CNGB3: variants seen among roughly 807,000 people sequenced by gnomAD.
CNGB3 encodes cyclic nucleotide-gated channel beta-3.
Under a neutral mutation model 92.8 loss-of-function variants are expected in CNGB3, and 86 were observed. That is an observed-to-expected ratio of 0.93 (90% CI 0.78 to 1.11). The LOEUF is 1.11. Ranked by LOEUF, CNGB3 falls within the 50% of genes least tolerant of loss-of-function variation. CNGB3 has a pLI of 0.00. For missense variants in CNGB3, 1,026 were observed against 956.8 expected (o/e 1.07, Z -0.95); for synonymous variants, 333 against 332.7 (o/e 1.00, Z -0.01).
intron 15 of CNGB3, among the ~76,000 whole-genome samples, chr8:86,591,878 C>T (rs1350778234): frequency 6.6e-6 from 1 of 152,242 alleles, no homozygotes; most frequent in Non-Finnish European, 1.5e-5. Flanking sequence ...CCAGTTCGAG[C>T]TTCTGGGCTG....
chr8:86,699,277 T>A (rs1824508479), intron 3 of CNGB3, among the ~76,000 whole-genome samples: 1 of 152,064 alleles, frequency 6.6e-6, no homozygotes, highest in Non-Finnish European at 1.5e-5. Flanking sequence ...CATTATAATC[T>A]TATATAATAA....
At chr8:86,629,899 T>TA (rs769204199) in intron 11 of CNGB3, among the ~76,000 whole-genome samples, 10 of 152,158 alleles carry the variant, frequency 6.6e-5, no homozygotes, top group Non-Finnish European at 1.5e-4. Context: ...TGGCTGTAAA[T>TA]ATGCTTTGAC....
Position 86,633,275 on chromosome 8 carries a change from T to C in CNGB3, c.1179-382A>G, listed in dbSNP as rs113640295. ...ATGGCTGGAGATATCTGGAAAGATT[T>C]GATTGAAACCAAATGTCTGAAACCT... On this transcript the variant is annotated intron_variant, in intron 10 of 17. Coordinates refer to ENST00000320005, the MANE Select transcript of CNGB3 (RefSeq NM_019098.5). 7.6e-4 allele frequency among the ~76,000 whole-genome samples: 116 copies of C among 152,312 alleles called. 1 individual carries two copies. In the South Asian group the frequency reaches 0.012, roughly 16 times the overall value.
Position 86,604,186 on chromosome 8 carries a change from A to G in CNGB3, c.1688T>C (p.Ile563Thr), listed in dbSNP as rs794727151. The G allele has an allele frequency of 6.2e-7, 1 of 1,612,702 alleles. No individual in the cohort carries two copies. The highest frequency in any genetic ancestry group is 1.7e-5 in the Admixed American group (1 of 59,988). ...AACTTGGACTTCTCCATGCTTGATG[A>G]TATACATTTCCTTGCCAATTTCTCC... is the stretch of plus-strand genomic sequence containing the variant. ...KKGEIGKEMY[I>T]IKHGEVQVLG... Residue 563 changes from isoleucine (I) to threonine (T), a missense_variant, in exon 15 of 18, where the codon ATC (isoleucine) becomes ACC (threonine). Ile to Thr is a moderately conservative substitution (Grantham distance 89). Coordinates refer to ENST00000320005, the MANE Select transcript of CNGB3 (RefSeq NM_019098.5).
chr8:86,644,331 G>A (rs1394536980), intron 9 of CNGB3, among the ~76,000 whole-genome samples: 1 of 151,328 alleles, frequency 6.6e-6, no homozygotes, highest in African/African-American at 2.4e-5. Flanking sequence ...CATGAGAAAG[G>A]TTTAAAGTTA....
At chr8:86,633,944 T>C (rs1190147945) in intron 10 of CNGB3, among the ~76,000 whole-genome samples, 2 of 152,186 alleles carry the variant, frequency 1.3e-5, no homozygotes, top group African/African-American at 4.8e-5. Context: ...TTGATTGTAA[T>C]GGGCAACTGA....
chr8:86,731,031 A>G (rs1200547279), intron 2 of CNGB3, among the ~76,000 whole-genome samples: 2 of 152,240 alleles, frequency 1.3e-5, no homozygotes, highest in African/African-American at 4.8e-5. Flanking sequence ...AGGCTCTTTT[A>G]GTAAAGTATT....
chr8:86,659,216 G>T, intron 6 of CNGB3: 1 of 729,150 alleles, frequency 1.4e-6, no homozygotes, highest in East Asian at 2.5e-5. Flanking sequence ...GCTACCGCAT[G>T]GCCCTCCCTC....
chr8:86,584,425 A>C (rs1157020508), intron 15 of CNGB3, among the ~76,000 whole-genome samples: 1 of 152,202 alleles, frequency 6.6e-6, no homozygotes, highest in Non-Finnish European at 1.5e-5. Context: ...TTTAAATGTC[A>C]GGTTATTTTG....
At chr8:86,676,012 C>G (rs949672341) in intron 3 of CNGB3, among the ~76,000 whole-genome samples, 1 of 152,004 alleles carries the variant, frequency 6.6e-6, no homozygotes, top group Non-Finnish European at 1.5e-5. Flanking sequence ...CGGGGAAGTC[C>G]ACTGTGAAAA....
intron 3 of CNGB3, among the ~76,000 whole-genome samples, chr8:86,714,122 G>A (rs1198225696): frequency 6.6e-6 from 1 of 152,126 alleles, no homozygotes; most frequent in Non-Finnish European, 1.5e-5. Flanking sequence ...CATCATCATA[G>A]TATCACACTG....
rs1382798482 is a variant in CNGB3, at chr8:86,588,616, C to T, written c.1782-9364G>A. Among the ~76,000 whole-genome samples the T allele has an allele frequency of 4.4e-3, 668 of 150,772 alleles. 10 individuals are homozygous for T. Among genetic ancestry groups the T allele is most frequent in the African/African-American group, 0.016 (637 of 40,454 alleles). On this transcript the variant is annotated intron_variant, in intron 15 of 17. Transcript: ENST00000320005. ...ATAATCATGCGGTTTTTGTCTTTGG[C>T]TCTGTTTATATGCTGGATTACATTT...
intron 15 of CNGB3, among the ~76,000 whole-genome samples, chr8:86,584,732 A>G (rs917386412): frequency 9.2e-5 from 14 of 152,190 alleles, no homozygotes; most frequent in Non-Finnish European, 1.6e-4. Context: ...TTCCCTAGGT[A>G]AAAATAGAGT....
chr8:86,625,449 A>T (rs1027726461), intron 13 of CNGB3, among the ~76,000 whole-genome samples: 3 of 152,232 alleles, frequency 2.0e-5, no homozygotes, highest in Non-Finnish European at 4.4e-5. Context: ...GCACAAAAAG[A>T]GTAGTAATAC....
chr8:86,727,733 A>G (rs1717971452), intron 2 of CNGB3, among the ~76,000 whole-genome samples: 2 of 152,152 alleles, frequency 1.3e-5, no homozygotes, highest in African/African-American at 4.8e-5. Flanking sequence ...CATTTTCCAC[A>G]GCTTCTAACA....
intron 11 of CNGB3, among the ~76,000 whole-genome samples, chr8:86,630,841 C>T (rs953416563): frequency 2.0e-5 from 3 of 152,102 alleles, no homozygotes; most frequent in Non-Finnish European, 4.4e-5. Context: ...GCCACTACAC[C>T]CTAGCCTGGG....
rs1280726459 is a variant in CNGB3, at chr8:86,574,524, T to C, written c.*1280A>G. ...CTCTATCAAATGATGCAGTTTATTA[T>C]AGTGATTGATTTGTACATGGTTTGC... On this transcript the variant is annotated 3_prime_UTR_variant, in exon 18 of 18. Transcript: ENST00000320005. 1 of 152,244 alleles carries C rather than the reference T, an allele frequency of 6.6e-6. No homozygotes were observed. The highest frequency in any genetic ancestry group is 1.5e-5 in the Non-Finnish European group (1 of 68,042). The allele number at this position is 152,244 out of a possible 1,614,324, so 9.4% of individuals were successfully genotyped here.
intron 3 of CNGB3, among the ~76,000 whole-genome samples, chr8:86,721,471 C>T (rs531437836): frequency 1.3e-5 from 2 of 152,144 alleles, no homozygotes; most frequent in East Asian, 3.9e-4. Flanking sequence ...GTGTTCTCTG[C>T]TCAGGATGAT....
intron 12 of CNGB3, among the ~76,000 whole-genome samples, chr8:86,627,082 C>T (rs1822864140): frequency 7.4e-6 from 1 of 134,576 alleles, no homozygotes; most frequent in African/African-American, 2.9e-5. Context: ...GTTAGAATTC[C>T]AAGAGTTTCT....
Sources: gnomAD v4.1 joint callset for allele counts (sites outside exome capture counted in the v4.1 genomes callset) on GRCh38, gnomAD v4.1.1 for gene constraint, MANE v1.5 for transcripts, NCBI Gene and HGNC (gene_info 2026-07-23, HGNC 2026-07-21) for gene names.